Variants in HELZ2 observed in about 807,000 individuals in gnomAD.
HELZ2 encodes 3'-5' exoribonuclease HELZ2.
In HELZ2, 143 loss-of-function variants were observed where a neutral mutation model predicts 208.8. The ratio of observed to expected loss-of-function variants is 0.68; its 90% CI spans 0.60 to 0.79. HELZ2 has a LOEUF of 0.79. HELZ2 is among the 30% of genes least tolerant of loss of function. The pLI, the probability that HELZ2 is intolerant of heterozygous loss-of-function variation, is 0.00. For synonymous variants in HELZ2, 1,705 were observed against 1,693.7 expected, an observed-to-expected ratio of 1.01 and a Z score of -0.16; for missense variants, 3,690 against 3,794.5, an observed-to-expected ratio of 0.97 and a Z score of 0.72.
In HELZ2 at chr20:63,563,836, CGAG is replaced by C; in HGVS notation, c.4983_4985del (p.Tyr1661_Ser1662delinsTer). ...CCCACGTGTACCAGTCCACCTGCAG[CGAG>C]TAGTGGCCGCCCTGCTGCTGGTGGC... On this transcript the variant is annotated stop_gained and inframe_deletion, in exon 8 of 19. Transcript: ENST00000467148. LOFTEE classifies it high-confidence loss of function. 6.3e-7 allele frequency: 1 copy of C among 1,596,770 alleles called. No individual in the cohort carries two copies.
chr20:63,571,175 G>A, intron 1 of HELZ2: 1 of 326,774 alleles, frequency 3.1e-6, no homozygotes, highest in African/African-American at 2.2e-5. Context: ...AAGCTCCTGG[G>A]AACCTCTGGC....
At chr20:63,562,310 A>G (rs767460561) in exon 9 of HELZ2, 8 of 1,597,326 alleles carry the variant, frequency 5.0e-6, no homozygotes, top group Non-Finnish European at 6.8e-6. Context: ...GCTGCGGGAC[A>G]GGCCGGCCCA....
At chr20:63,561,451 G>C in exon 13 of HELZ2, 1 of 1,609,978 alleles carries the variant, frequency 6.2e-7, no homozygotes. Flanking sequence ...GGATCCGGTG[G>C]TGCAGGGTGA....
chr20:63,563,607 C>T (rs1368474975), exon 8 of HELZ2: 2 of 1,537,094 alleles, frequency 1.3e-6, no homozygotes, highest in African/African-American at 2.7e-5. Context: ...CCCAGCTTGT[C>T]CAGAGGCTGG....
At chr20:63,559,050 G>C (rs1179689410), downstream of HELZ2, 1 of 573,756 alleles carries the variant, frequency 1.7e-6, no homozygotes, top group African/African-American at 1.9e-5. Flanking sequence ...GTCCCCAGAT[G>C]CCCAGGAGGA....
exon 9 of HELZ2, chr20:63,562,352 C>T: frequency 6.3e-7 from 1 of 1,594,106 alleles, no homozygotes; most frequent in Non-Finnish European, 8.5e-7. Flanking sequence ...GGGACGCCTC[C>T]TCTAGTCCAC....
In HELZ2 at chr20:63,563,544, TG is replaced by T. The variant is rs1366303430; in HGVS notation, c.5277del (p.Ser1760AlafsTer210). On this transcript the variant is annotated frameshift_variant, in exon 8 of 19. Transcript: ENST00000467148. LOFTEE classifies it high-confidence loss of function. The stretch of plus-strand genomic sequence containing the variant: ...GGGTCAGGCAGCGTCTCCCGGTTGC[TG>T]GGGAAGAGCAGCCGGAAGCAGCGGG... 5 of 1,515,914 alleles carry T rather than the reference TG, an allele frequency of 3.3e-6. No individual in the cohort carries two copies. In the South Asian group the frequency reaches 4.9e-5, roughly 15 times the overall value. 93.9% of individuals were successfully genotyped at this position (1,515,914 alleles called of 1,614,324 possible). A position where few individuals can be genotyped will look rare whatever the true frequency, so the allele number is the denominator to read the frequency against.
At chr20:63,565,225 C>T in exon 8 of HELZ2, 1 of 1,608,092 alleles carries the variant, frequency 6.2e-7, no homozygotes, top group Non-Finnish European at 8.5e-7. Flanking sequence ...CCAGCTCGTG[C>T]CTCTTCCTCT....
exon 8 of HELZ2, chr20:63,563,802 G>C (rs747824476): frequency 6.2e-7 from 1 of 1,602,304 alleles, no homozygotes; most frequent in Admixed American, 1.7e-5. Flanking sequence ...CTGCGGATGG[G>C]CGAGGTGGCC....
chr20:63,564,183 G>A (rs147582477), exon 8 of HELZ2: 130 of 1,611,372 alleles, frequency 8.1e-5, no homozygotes, highest in Admixed American at 4.0e-4. Flanking sequence ...GTGACCGTCC[G>A]CGTGCACTCG....
chr20:63,562,956 C>T lies in HELZ2; in HGVS notation c.5866G>A (p.Gly1956Ser), dbSNP rs759307916. The T allele has an allele frequency of 1.0e-5, 16 of 1,590,348 alleles. No individual in the cohort carries two copies. The highest frequency in any genetic ancestry group is 2.3e-5 in the South Asian group (2 of 88,456). Residue 1956 changes from glycine (G) to serine (S), a missense_variant, in exon 8 of 19, where the codon GGC (glycine) becomes AGC (serine). Transcript: ENST00000467148. Reference sequence around the variant, plus strand: ...ACGGAGTCATTCTCGGCAACCGCGCCGGTGGCCGACTCCAGGGCGCAGAAT... The same window carrying T: ...ACGGAGTCATTCTCGGCAACCGCGCTGGTGGCCGACTCCAGGGCGCAGAAT...
At chr20:63,560,731 C>T in intron 15 of HELZ2, 34 bp from the exon 17 acceptor site, 6 of 1,604,078 alleles carry the variant, frequency 3.7e-6, no homozygotes, top group Non-Finnish European at 5.1e-6. Flanking sequence ...TCAGAGGCTG[C>T]CACGCGGGGT....
chr20:63,570,320 G>GC lies in HELZ2; in HGVS notation c.570+183dup, dbSNP rs1297930890. Reference sequence around the variant, plus strand: ...ACCCTGCCAAGGTGGGACTGTCCTGGCCCCCTGTCTCTAGGTGAGGAGACT... The same window carrying GC: ...ACCCTGCCAAGGTGGGACTGTCCTGGCCCCCCTGTCTCTAGGTGAGGAGACT... On this transcript the variant is annotated intron_variant, in intron 3 of 18. Coordinates refer to ENST00000467148, the Ensembl canonical transcript of HELZ2. 7 of 711,890 alleles carry GC rather than the reference G, an allele frequency of 9.8e-6. No individual in the cohort carries two copies. The African/African-American group carries it at 1.1e-4, about 11-fold the overall frequency. 44.1% of individuals were successfully genotyped at this position (711,890 alleles called of 1,614,324 possible).
chr20:63,564,699 C>T (rs1273242027), exon 8 of HELZ2: 1 of 1,604,432 alleles, frequency 6.2e-7, no homozygotes, highest in South Asian at 1.1e-5. Flanking sequence ...AAGCTGGCCA[C>T]ATCAGTGATG....
chr20:63,571,874 G>C (rs4079807), intron 1 of HELZ2: 2 of 175,066 alleles, frequency 1.1e-5, no homozygotes, highest in Non-Finnish European at 1.7e-5. Flanking sequence ...CTCCTGCCCT[G>C]CTCCAAGCTC....
Position 63,572,294 on chromosome 20 carries a change from G to A in HELZ2, c.92C>T (p.Pro31Leu), listed in dbSNP as rs375602188. ...CTGGGCCCCAGGGGGCTGGCCAAGG[G>A]GGGCCGTGCGCCCGTCGCCATCAGG... The change falls in exon 1 of 19, where the codon CCC becomes CTC. Residue 31 changes from proline (P) to leucine (L), a missense_variant. Around this residue, in one of 3 missense-constraint regions of HELZ2, gnomAD observed 1,119 missense variants for 1,193.4 expected, o/e 0.94. Coordinates refer to ENST00000467148, the Ensembl canonical transcript of HELZ2. 2.3e-5 allele frequency: 36 copies of A among 1,586,814 alleles called. No individual in the cohort carries two copies. The East Asian group carries it at 6.9e-4, about 30-fold the overall frequency.
rs776200692 is a variant in HELZ2, at chr20:63,562,880, C to T, written c.5942G>A (p.Gly1981Glu). The T allele has an allele frequency of 3.1e-6, 5 of 1,604,300 alleles. No homozygotes were observed. In the African/African-American group the frequency reaches 4.0e-5, roughly 13 times the overall value. The change falls in exon 8 of 19, where the codon GGG becomes GAG. Residue 1981 changes from glycine (G) to glutamate (E), a missense_variant. Around this residue, in one of 3 missense-constraint regions of HELZ2, gnomAD observed 2,564 missense variants for 2,580.5 expected, o/e 0.99. Coordinates refer to ENST00000467148, the Ensembl canonical transcript of HELZ2. ...CAGGCGGAAGGCGCCCTGCAGCTGCCCCTGCGGCGTCCGTGACGCCTCCCA... is the reference window on the plus strand; with the variant it reads ...CAGGCGGAAGGCGCCCTGCAGCTGCTCCTGCGGCGTCCGTGACGCCTCCCA...
At chr20:63,568,235 G>A in intron 5 of HELZ2, 123 bp downstream of exon 6, 1 of 780,754 alleles carries the variant, frequency 1.3e-6, no homozygotes, top group South Asian at 1.6e-5. Flanking sequence ...AAAGCCCAAA[G>A]CTGGTCGGCT....
rs768900630 is a variant in HELZ2 at position 63,568,408 on chromosome 20, C to G, written c.1680G>C (p.Glu560Asp). 142 of 1,609,830 alleles carry G rather than the reference C, an allele frequency of 8.8e-5. 1 individual carries two copies. The South Asian group carries it at 1.5e-3, about 17-fold the overall frequency. ...CCTTGGTTTCAGGCCTCCGGATGAC[C>G]TCCAGGGAGGCCATGGCCAGCGTGT... is the stretch of plus-strand genomic sequence containing the variant. The change falls in exon 5 of 19, where the codon GAG becomes GAC. Residue 560 changes from glutamate to aspartate, a missense_variant. This residue lies in a region of HELZ2 where 1,119 missense variants were observed against 1,193.4 expected (regional missense o/e 0.94). Coordinates refer to ENST00000467148, the Ensembl canonical transcript of HELZ2.
Sources: gnomAD v4.1 joint callset for allele counts on GRCh38, gnomAD v4.1.1 for gene constraint, gnomAD v4.1.1 regional missense constraint, MANE v1.5 for transcripts, NCBI Gene and HGNC (gene_info 2026-07-23, HGNC 2026-07-21) for gene names.